The following NDE1 variants were observed in gnomAD, a reference collection of about 807,000 sequenced individuals.
The protein encoded by NDE1 is nudE neurodevelopment protein 1.
A neutral mutation model predicts 43.4 loss-of-function variants in NDE1; 28 were observed. That is an observed-to-expected ratio of 0.65 (90% confidence interval 0.48 to 0.89). The LOEUF is 0.89. NDE1 is among the 40% of genes least tolerant of loss of function. The pLI is 0.00. For synonymous variants in NDE1, 184 were observed against 172.0 expected, an observed-to-expected ratio of 1.07 and a Z score of -0.55; for missense variants, 441 against 434.1, an observed-to-expected ratio of 1.02 and a Z score of -0.14.
Position 15,707,181 on chromosome 16 carries a change from G to A in NDE1, c.947+10321G>A, listed in dbSNP as rs1347480432. Among the ~76,000 whole-genome samples the A allele has an allele frequency of 2.6e-5, 4 of 152,218 alleles. No homozygotes were observed. The East Asian group carries it at 7.7e-4, about 29-fold the overall frequency. On this transcript the variant is annotated intron_variant, in intron 8 of 8. Coordinates refer to ENST00000396354, the MANE Select transcript of NDE1 (RefSeq NM_017668.3). ...AGCCTTCCAAGTAACTGGGACTACA[G>A]ACATGCCACCACTCCTGGCTAATTT...
chr16:15,656,211 C>T (rs1285926840), intron 1 of NDE1, among the ~76,000 whole-genome samples: 1 of 152,134 alleles, frequency 6.6e-6, no homozygotes, highest in Non-Finnish European at 1.5e-5. Context: ...TCTTTGCTTC[C>T]AGCATCTCTC....
chr16:15,687,527 T>C lies in NDE1; in HGVS notation c.523+16T>C. 6.2e-7 allele frequency: 1 copy of C among 1,606,932 alleles called. No homozygotes were observed. On this transcript the variant is annotated intron_variant, in intron 5 of 8. Coordinates refer to ENST00000396354, the MANE Select transcript of NDE1 (RefSeq NM_017668.3). Reference sequence around the variant, plus strand: ...GAAGCCAGAGGTCAGGAGGCCTTGGTGTCTTCACCAGCATGGTCCCCTCTC... The same window carrying C: ...GAAGCCAGAGGTCAGGAGGCCTTGGCGTCTTCACCAGCATGGTCCCCTCTC...
At chr16:15,647,457 A>G (rs1309437566), upstream of NDE1, among the ~76,000 whole-genome samples, 2 of 152,162 alleles carry the variant, frequency 1.3e-5, no homozygotes, top group Non-Finnish European at 1.5e-5. Flanking sequence ...TAACATGGAT[A>G]CAATTTAATG....
chr16:15,703,392 A>G (rs1240364981), intron 8 of NDE1: 1 of 238,334 alleles, frequency 4.2e-6, no homozygotes, highest in Non-Finnish European at 8.3e-6. Flanking sequence ...GGCGGCACCC[A>G]TTTCGGTGAC....
intron 8 of NDE1, chr16:15,714,255 A>T (rs1244355588): frequency 6.4e-6 from 1 of 155,294 alleles, no homozygotes; most frequent in African/African-American, 2.4e-5. Context: ...AACAGCCCCC[A>T]CTCCAGTGAC....
intron 1 of NDE1, among the ~76,000 whole-genome samples, chr16:15,663,042 T>G (rs2037127172): frequency 6.6e-6 from 1 of 152,156 alleles, no homozygotes; most frequent in Non-Finnish European, 1.5e-5. Context: ...CCATTGCCAC[T>G]AAGTTTCTTA....
rs767851663 is a variant in NDE1, at chr16:15,720,324, A to G, written c.948-3867A>G. ...TCATACTCGTGAAGCTGGGCGAGGA[A>G]TAGAGATGTGTGCTGCCCCACTTGC... On this transcript the variant is annotated intron_variant, in intron 8 of 8. Transcript: ENST00000396354. 9.9e-6 allele frequency: 16 copies of G among 1,612,548 alleles called. No individual in the cohort carries two copies. The South Asian group carries it at 1.3e-4, about 13-fold the overall frequency.
chr16:15,710,019 C>G (rs549368780), intron 8 of NDE1, among the ~76,000 whole-genome samples: 1 of 152,342 alleles, frequency 6.6e-6, no homozygotes, highest in Non-Finnish European at 1.5e-5. Flanking sequence ...GGCATGCTTA[C>G]CAACCTCCCT....
chr16:15,725,812 C>G lies in NDE1; in HGVS notation c.*1561C>G. On this transcript the variant is annotated 3_prime_UTR_variant, in exon 9 of 9. Transcript: ENST00000396354. ...ATGCCAAGTGAAAGAAGACCAAAGA[C>G]AAAAAGACCATGTCATTCAGCAGCT... 1 of 397,890 alleles carries G rather than the reference C, an allele frequency of 2.5e-6. No homozygotes were observed. The highest frequency in any genetic ancestry group is 3.6e-5 in the East Asian group (1 of 28,068). The allele number at this position is 397,890 out of a possible 1,614,324, so 24.6% of individuals were successfully genotyped here. A position where few individuals can be genotyped will look rare whatever the true frequency, so the allele number is the denominator to read the frequency against.
rs1348129284 is a variant in NDE1, at chr16:15,707,978, A to C, written c.947+11118A>C. 1.6e-3 allele frequency among the ~76,000 whole-genome samples: 208 copies of C among 127,702 alleles called. 1 individual carries two copies. Among genetic ancestry groups the C allele is most frequent in the South Asian group, 2.8e-3 (11 of 3,876 alleles). 83.8% of individuals were successfully genotyped at this position (127,702 alleles called of 152,430 possible). On this transcript the variant is annotated intron_variant, in intron 8 of 8. Transcript: ENST00000396354. ...CCGTCTCAAAAAAAAAAAAAAAAAA[A>C]AGCAAAATCCCAGAGCAGCAGAGAC...
At chr16:15,704,811 TAGAAA>T (rs1200014953) in intron 8 of NDE1, among the ~76,000 whole-genome samples, 1 of 152,154 alleles carries the variant, frequency 6.6e-6, no homozygotes, top group African/African-American at 2.4e-5. Context: ...CAGTGAATAT[TAGAAA>T]AGGAAATTAT....
chr16:15,679,289 C>T (rs1002616047), intron 4 of NDE1, among the ~76,000 whole-genome samples: 1 of 152,124 alleles, frequency 6.6e-6, no homozygotes, highest in Admixed American at 6.6e-5. Context: ...AGCCACTGCA[C>T]CCGGCCTCCT....
At chr16:15,712,083 G>C (rs1218842381) in intron 8 of NDE1, among the ~76,000 whole-genome samples, 1 of 152,192 alleles carries the variant, frequency 6.6e-6, no homozygotes, top group African/African-American at 2.4e-5. Flanking sequence ...AGGACCACGA[G>C]GTTTGTGATG....
At chr16:15,720,061 G>T in intron 8 of NDE1, 1 of 1,560,232 alleles carries the variant, frequency 6.4e-7, no homozygotes, top group Non-Finnish European at 8.8e-7. Context: ...GTGCAGGCTT[G>T]CTTCCTGGAG....
intron 1 of NDE1, among the ~76,000 whole-genome samples, chr16:15,657,159 G>C (rs2036811318): frequency 6.6e-6 from 1 of 151,712 alleles, no homozygotes; most frequent in South Asian, 2.1e-4. Flanking sequence ...GTGCAATGGC[G>C]TGATCTTGGC....
At chr16:15,699,384 C>G (rs2039146381) in intron 8 of NDE1, among the ~76,000 whole-genome samples, 1 of 151,926 alleles carries the variant, frequency 6.6e-6, no homozygotes, top group Non-Finnish European at 1.5e-5. Context: ...CTCAGCCTAC[C>G]AAGTAGCTGG....
At chr16:15,676,355 A>G (rs542724407) in intron 3 of NDE1, among the ~76,000 whole-genome samples, 4 of 150,520 alleles carry the variant, frequency 2.7e-5, no homozygotes, top group Admixed American at 6.7e-5. Flanking sequence ...GATTATAGGC[A>G]TGCACCACCA....
At position 15,676,229 on chromosome 16, in the gene NDE1, T is replaced by TG. The variant is rs2037869488; in HGVS notation, c.238-1572_238-1571insG. On this transcript the variant is annotated intron_variant, in intron 3 of 8. Coordinates refer to ENST00000396354, the MANE Select transcript of NDE1 (RefSeq NM_017668.3). ...CTTTCTTTCTTTGTTTTTCTGGTTTTTTTTTTTTTTTTTGAGACAGAGTCT... is the reference window on the plus strand; with the variant it reads ...CTTTCTTTCTTTGTTTTTCTGGTTTTGTTTTTTTTTTTTTGAGACAGAGTCT... Among the ~76,000 whole-genome samples, 8 of 147,084 alleles carry TG rather than the reference T, an allele frequency of 5.4e-5. No homozygotes were observed. The South Asian group carries it at 1.3e-3, about 24-fold the overall frequency.
chr16:15,688,888 G>C (rs1474138564), intron 5 of NDE1, among the ~76,000 whole-genome samples: 1 of 151,086 alleles, frequency 6.6e-6, no homozygotes, highest in Non-Finnish European at 1.5e-5. Context: ...AATAGAGATG[G>C]GGTTTCACCA....
Sources: gnomAD v4.1 joint callset for allele counts (sites outside exome capture counted in the v4.1 genomes callset) on GRCh38, gnomAD v4.1.1 for gene constraint, MANE v1.5 for transcripts, NCBI Gene and HGNC (gene_info 2026-07-23, HGNC 2026-07-21) for gene names.